Variants in PLA2G4E observed in about 807,000 individuals in gnomAD.
PLA2G4E encodes phospholipase A2 group IVE.
A neutral mutation model predicts 109.1 loss-of-function variants in PLA2G4E; 84 were observed. The ratio of observed to expected loss-of-function variants is 0.77; its 90% CI spans 0.65 to 0.92. The LOEUF (loss-of-function observed/expected upper bound fraction) is 0.92. PLA2G4E is among the 40% of genes least tolerant of loss of function. The pLI is 0.00. For missense variants in PLA2G4E, 1,057 were observed against 1,076.6 expected (o/e 0.98, Z 0.25); for synonymous variants, 469 against 436.1 (o/e 1.08, Z -0.94).
chr15:42,013,565 G>T, intron 2 of PLA2G4E, 120 bp downstream of exon 2: 3 of 861,432 alleles, frequency 3.5e-6, no homozygotes, highest in Non-Finnish European at 5.5e-6. Context: ...TATACACCAT[G>T]CACGTGCACA....
chr15:41,991,994 A>G (rs1166271006), intron 13 of PLA2G4E, among the ~76,000 whole-genome samples: 11 of 152,118 alleles, frequency 7.2e-5, no homozygotes, highest in Non-Finnish European at 8.8e-5. Context: ...GAAAAGGACC[A>G]CCCTGTGCTG....
chr15:42,043,503 C>T (rs533769753), intron 1 of PLA2G4E, among the ~76,000 whole-genome samples: 83 of 144,696 alleles, frequency 5.7e-4, no homozygotes, highest in Non-Finnish European at 8.5e-4. Context: ...GTGGCTCTCA[C>T]CTGCTAATAG....
At chr15:41,991,313 CTCA>C (rs1165088657) in intron 13 of PLA2G4E, among the ~76,000 whole-genome samples, 6 of 152,210 alleles carry the variant, frequency 3.9e-5, no homozygotes, top group African/African-American at 1.4e-4. Flanking sequence ...GTGCTTCCTC[CTCA>C]TCATATGCGG....
chr15:42,036,956 G>A (rs1889228396), intron 1 of PLA2G4E, among the ~76,000 whole-genome samples: 1 of 152,214 alleles, frequency 6.6e-6, no homozygotes, highest in South Asian at 2.1e-4. Flanking sequence ...TCAGAGCACC[G>A]TGGGGCCGAG....
At chr15:42,032,036 G>A (rs960693663) in intron 1 of PLA2G4E, among the ~76,000 whole-genome samples, 27 of 152,100 alleles carry the variant, frequency 1.8e-4, no homozygotes, top group Non-Finnish European at 3.8e-4. Context: ...GCAAGATCTA[G>A]TTGTTAAAAA....
chr15:42,047,975 C>T (rs556370569), intron 1 of PLA2G4E, among the ~76,000 whole-genome samples: 2 of 152,290 alleles, frequency 1.3e-5, no homozygotes, highest in East Asian at 3.9e-4. Context: ...TTTAGGCTAA[C>T]CCCCCTCCCG....
chr15:41,984,766 A>C, intron 18 of PLA2G4E, 147 bp from the exon 19 acceptor site: 1 of 738,732 alleles, frequency 1.4e-6, no homozygotes, highest in Non-Finnish European at 2.0e-6. Context: ...TTTGAGACTA[A>C]AGCCAGGTCA....
At chr15:42,038,171 T>G (rs1844727256) in intron 1 of PLA2G4E, among the ~76,000 whole-genome samples, 1 of 152,192 alleles carries the variant, frequency 6.6e-6, no homozygotes, top group Non-Finnish European at 1.5e-5. Context: ...ACTTATAATG[T>G]GTAATATTCT....
At chr15:42,018,543 G>A (rs1566846082) in intron 1 of PLA2G4E, among the ~76,000 whole-genome samples, 1 of 152,320 alleles carries the variant, frequency 6.6e-6, no homozygotes, top group East Asian at 1.9e-4. Flanking sequence ...GGACCAGGGA[G>A]CACTTGAAGA....
At chr15:42,010,521 T>C (rs1336521627) in intron 2 of PLA2G4E, among the ~76,000 whole-genome samples, 1 of 152,212 alleles carries the variant, frequency 6.6e-6, no homozygotes, top group Non-Finnish European at 1.5e-5. Context: ...GACCTGGTTC[T>C]GAGAATTTCA....
intron 1 of PLA2G4E, among the ~76,000 whole-genome samples, chr15:42,047,226 C>A (rs1205996563): frequency 6.6e-6 from 1 of 152,288 alleles, no homozygotes; most frequent in East Asian, 1.9e-4. Flanking sequence ...CCTGTCTTGG[C>A]CTCTCAAAAT....
chr15:41,999,662 C>A, intron 9 of PLA2G4E, 101 bp from the exon 10 acceptor site: 1 of 1,404,796 alleles, frequency 7.1e-7, no homozygotes, highest in South Asian at 1.3e-5. Context: ...CACACACGTG[C>A]ACACACAGGC....
exon 20 of PLA2G4E, chr15:41,983,819 G>C (rs1378177483): frequency 1.2e-6 from 2 of 1,611,058 alleles, no homozygotes; most frequent in South Asian, 1.1e-5. Flanking sequence ...GCCTGGAGGA[G>C]AGTGTCCTTA....
intron 12 of PLA2G4E, 86 bp from the exon 13 acceptor site, chr15:41,993,045 G>T: frequency 1.6e-6 from 2 of 1,260,714 alleles, no homozygotes; most frequent in Non-Finnish European, 2.2e-6. Flanking sequence ...AGGTGGGCAG[G>T]CCATTGAGAA....
At chr15:41,985,510 C>T (rs1203362592) in intron 18 of PLA2G4E, among the ~76,000 whole-genome samples, 1 of 152,174 alleles carries the variant, frequency 6.6e-6, no homozygotes, top group Non-Finnish European at 1.5e-5. Context: ...ATTACAAGCT[C>T]TTGAATGGAA....
At chr15:42,025,452 G>T (rs574607884) in intron 1 of PLA2G4E, among the ~76,000 whole-genome samples, 1 of 152,092 alleles carries the variant, frequency 6.6e-6, no homozygotes, top group Non-Finnish European at 1.5e-5. Context: ...TTGTGTGTCT[G>T]TTCCCATACA....
At chr15:42,001,932 A>AT (rs2068424292) in intron 6 of PLA2G4E, among the ~76,000 whole-genome samples, 2 of 152,136 alleles carry the variant, frequency 1.3e-5, no homozygotes, top group Admixed American at 6.5e-5. Flanking sequence ...GGCTCAAGTG[A>AT]TCCCCCAACC....
intron 5 of PLA2G4E, 130 bp from the exon 6 acceptor site, chr15:42,002,826 A>T: frequency 1.1e-6 from 1 of 904,434 alleles, no homozygotes; most frequent in South Asian, 1.5e-5. Context: ...AAAAAATACT[A>T]GCTTCGGAAA....
intron 1 of PLA2G4E, among the ~76,000 whole-genome samples, chr15:42,022,026 C>A (rs1398577896): frequency 6.6e-6 from 1 of 152,200 alleles, no homozygotes; most frequent in African/African-American, 2.4e-5. Flanking sequence ...GCCCTGCCCT[C>A]CCCTCCTCTG....
Sources: gnomAD v4.1 joint callset for allele counts (sites outside exome capture counted in the v4.1 genomes callset) on GRCh38, gnomAD v4.1.1 for gene constraint, MANE v1.5 for transcripts, NCBI Gene and HGNC (gene_info 2026-07-23, HGNC 2026-07-21) for gene names.